Variants in FHIP1A observed in about 807,000 individuals in gnomAD.
FHIP1A encodes FHF complex subunit HOOK-interacting protein 1A.
A neutral mutation model predicts 88.6 loss-of-function variants in FHIP1A; 61 were observed. That is an observed-to-expected ratio of 0.69 (90% CI 0.56 to 0.85). FHIP1A has a LOEUF of 0.85. FHIP1A is among the 40% of genes least tolerant of loss of function. FHIP1A has a pLI of 0.00. For synonymous variants in FHIP1A, 478 were observed against 496.0 expected (o/e 0.96, Z 0.48); for missense variants, 1,154 against 1,273.5 (o/e 0.91, Z 1.43).
chr4:151,474,416 A>T (rs987695526), intron 2 of FHIP1A, among the ~76,000 whole-genome samples: 1 of 152,234 alleles, frequency 6.6e-6, no homozygotes, highest in Non-Finnish European at 1.5e-5. Context: ...ATTATAAAAA[A>T]AATAAAGATA....
At chr4:151,559,877 AG>A (rs1733104293) in intron 3 of FHIP1A, among the ~76,000 whole-genome samples, 1 of 152,184 alleles carries the variant, frequency 6.6e-6, no homozygotes, top group African/African-American at 2.4e-5. Flanking sequence ...TGTTCATAGC[AG>A]AACTTTTTGT....
At position 151,649,807 on chromosome 4, in the gene FHIP1A, CAG is replaced by C; in HGVS notation, c.1767_1768del (p.Ala591Ter). ...GACAGCTATGACACTGGAATCTCCT[CAG>C]GGGCTGACGTGGGCTCCCCAGGGCC... is the stretch of plus-strand genomic sequence containing the variant. On this transcript the variant is annotated frameshift_variant, in exon 11 of 14. Transcript: ENST00000435205. LOFTEE classifies it high-confidence loss of function. 6.4e-7 allele frequency: 1 copy of C among 1,551,704 alleles called. No homozygotes were observed. Among genetic ancestry groups the C allele is most frequent in the Non-Finnish European group, 8.7e-7 (1 of 1,146,986 alleles).
At chr4:151,490,166 G>A (rs1376489227) in intron 3 of FHIP1A, among the ~76,000 whole-genome samples, 1 of 152,168 alleles carries the variant, frequency 6.6e-6, no homozygotes, top group African/African-American at 2.4e-5. Context: ...GAGTCTGTCT[G>A]TGTGACAGCT....
At chr4:151,539,773 A>T (rs781631866) in intron 3 of FHIP1A, among the ~76,000 whole-genome samples, 1 of 152,138 alleles carries the variant, frequency 6.6e-6, no homozygotes, top group African/African-American at 2.4e-5. Context: ...GCATTGTTAC[A>T]GTAATTACAT....
At chr4:151,567,824 A>G (rs1005061355) in intron 4 of FHIP1A, among the ~76,000 whole-genome samples, 1 of 152,172 alleles carries the variant, frequency 6.6e-6, no homozygotes, top group African/African-American at 2.4e-5. Context: ...TTAGTGCATA[A>G]TCATATGTTT....
intron 13 of FHIP1A, 107 bp from the exon 14 acceptor site, chr4:151,662,394 T>C: frequency 3.2e-6 from 4 of 1,243,208 alleles, no homozygotes; most frequent in Non-Finnish European, 4.4e-6. Flanking sequence ...ACTGCACTCA[T>C]AACTAGATAC....
At chr4:151,590,323 T>C (rs1734376170) in intron 7 of FHIP1A, among the ~76,000 whole-genome samples, 1 of 152,218 alleles carries the variant, frequency 6.6e-6, no homozygotes, top group Non-Finnish European at 1.5e-5. Flanking sequence ...ATAGTGATAA[T>C]TATTATAATT....
chr4:151,527,968 G>A (rs1731741710), intron 3 of FHIP1A, among the ~76,000 whole-genome samples: 1 of 152,164 alleles, frequency 6.6e-6, no homozygotes, highest in Admixed American at 6.5e-5. Context: ...CAGTGAGAGA[G>A]TAGAATAAAA....
At chr4:151,433,787 G>A (rs992478708) in intron 1 of FHIP1A, among the ~76,000 whole-genome samples, 11 of 152,066 alleles carry the variant, frequency 7.2e-5, no homozygotes, top group Admixed American at 1.3e-4. Context: ...TATTAGACTC[G>A]TAGCCCTTTA....
At chr4:151,515,328 CA>C (rs1310053219) in intron 3 of FHIP1A, among the ~76,000 whole-genome samples, 1 of 151,444 alleles carries the variant, frequency 6.6e-6, no homozygotes, top group East Asian at 1.9e-4. Context: ...CTATCTATGA[CA>C]AACCCACAGC....
chr4:151,423,598 C>T (rs893080230), intron 1 of FHIP1A, among the ~76,000 whole-genome samples: 2 of 152,096 alleles, frequency 1.3e-5, no homozygotes. Context: ...TAATAATGCC[C>T]ATACAGGGAG....
At chr4:151,430,908 T>C (rs1262635535) in intron 1 of FHIP1A, among the ~76,000 whole-genome samples, 3 of 152,228 alleles carry the variant, frequency 2.0e-5, no homozygotes, top group African/African-American at 7.2e-5. Flanking sequence ...TCTAGTATTC[T>C]TGTTTGCACC....
At chr4:151,457,690 C>G (rs556059538) in intron 2 of FHIP1A, among the ~76,000 whole-genome samples, 18 of 152,180 alleles carry the variant, frequency 1.2e-4, no homozygotes, top group African/African-American at 4.1e-4. Flanking sequence ...TCTGGCTGCC[C>G]TAGTTCTATA....
Position 151,588,914 on chromosome 4 carries a change from T to C in FHIP1A, c.966T>C (p.Pro322=). The C allele has an allele frequency of 9.0e-6, 14 of 1,547,486 alleles. No individual in the cohort carries two copies. The highest frequency in any genetic ancestry group is 1.2e-5 in the Non-Finnish European group (14 of 1,143,102). The part of the protein sequence containing the change: ...YNGFLVPVLA[P]ALHKVTVEEV... Reference sequence around the variant, plus strand: ...GATTTTTGGTACCAGTCTTGGCTCCTGCTCTCCATAAGGTCAGTGATTGGC... The same window carrying C: ...GATTTTTGGTACCAGTCTTGGCTCCCGCTCTCCATAAGGTCAGTGATTGGC... The change falls in exon 7 of 14, where the codon CCT becomes CCC. Residue 322 remains proline (P), a synonymous_variant. Coordinates refer to ENST00000435205, the MANE Select transcript of FHIP1A (RefSeq NM_001109977.3).
chr4:151,562,982 A>G (rs934568102), intron 3 of FHIP1A, among the ~76,000 whole-genome samples: 6 of 152,180 alleles, frequency 3.9e-5, no homozygotes, highest in African/African-American at 1.2e-4. Context: ...TGCTTTTTGC[A>G]TCGTCAAATA....
intron 1 of FHIP1A, among the ~76,000 whole-genome samples, chr4:151,414,974 C>T (rs1479865158): frequency 2.0e-5 from 3 of 152,038 alleles, no homozygotes; most frequent in Non-Finnish European, 4.4e-5. Flanking sequence ...ATATATTTCC[C>T]TTCATTTTTC....
Position 151,461,373 on chromosome 4 carries a change from C to T in FHIP1A, c.-248+6565C>T, listed in dbSNP as rs557257297. Among the ~76,000 whole-genome samples the T allele has an allele frequency of 2.0e-5, 3 of 152,258 alleles. No individual in the cohort carries two copies. In the South Asian group the frequency reaches 6.2e-4, roughly 32 times the overall value. On this transcript the variant is annotated intron_variant, in intron 2 of 13. Coordinates refer to ENST00000435205, the MANE Select transcript of FHIP1A (RefSeq NM_001109977.3). ...AGGCTTATTTTGTTGATGCTGCCTA[C>T]CTAAGTGTGAGGTGAGGTATGGTGG...
chr4:151,461,785 G>A (rs1297317444), intron 2 of FHIP1A, among the ~76,000 whole-genome samples: 2 of 152,200 alleles, frequency 1.3e-5, no homozygotes, highest in African/African-American at 4.8e-5. Flanking sequence ...AATCGAGTCA[G>A]ATCAGGGTAA....
chr4:151,452,922 G>T (rs1728837525), intron 1 of FHIP1A, among the ~76,000 whole-genome samples: 1 of 145,614 alleles, frequency 6.9e-6, no homozygotes, highest in African/African-American at 2.7e-5. Flanking sequence ...TCCTATGTCT[G>T]CAGACATTGA....
Sources: allele counts gnomAD v4.1 joint callset (sites outside exome capture counted in the v4.1 genomes callset), GRCh38; gene constraint gnomAD v4.1.1; transcripts MANE v1.5; gene names NCBI Gene and HGNC (gene_info 2026-07-23, HGNC 2026-07-21).